The following MACROD2 variants were observed in gnomAD, a reference collection of about 807,000 sequenced individuals.
The protein encoded by MACROD2 is ADP-ribose glycohydrolase MACROD2.
A neutral mutation model predicts 70.4 loss-of-function variants in MACROD2; 36 were observed. The ratio of observed to expected loss-of-function variants is 0.51; its 90% CI spans 0.39 to 0.68. MACROD2 has a LOEUF of 0.68. Among genes scored for constraint, MACROD2 ranks in the 30% least tolerant of loss-of-function variants. The pLI is 0.00. For synonymous variants in MACROD2, 172 were observed against 178.8 expected (o/e 0.96, Z 0.30); for missense variants, 496 against 538.4 (o/e 0.92, Z 0.78).
At chr20:15,508,074 G>C (rs1207700497) in intron 8 of MACROD2, among the ~76,000 whole-genome samples, 1 of 152,162 alleles carries the variant, frequency 6.6e-6, no homozygotes, top group Non-Finnish European at 1.5e-5. Context: ...CCCAGTAGGG[G>C]ATATCAGGCA....
intron 5 of MACROD2, among the ~76,000 whole-genome samples, chr20:14,776,321 G>A (rs2072234102): frequency 6.6e-6 from 1 of 151,992 alleles, no homozygotes; most frequent in Non-Finnish European, 1.5e-5. Context: ...CTTGACATGA[G>A]TAGTTTAATA....
chr20:14,461,599 G>T (rs55664409), intron 3 of MACROD2, among the ~76,000 whole-genome samples: 3,071 of 151,842 alleles, frequency 0.02, 120 homozygotes, highest in African/African-American at 0.07. Context: ...TTGTTGTGCT[G>T]CACCCATTAA....
intron 4 of MACROD2, among the ~76,000 whole-genome samples, chr20:14,553,171 A>C (rs73098650): frequency 0.1 from 15,209 of 151,202 alleles, 1,138 homozygotes; most frequent in Non-Finnish European, 0.15. Flanking sequence ...TTCTATATTA[A>C]AATTTCTTTT....
chr20:14,224,364 G>T (rs936937968), intron 3 of MACROD2, among the ~76,000 whole-genome samples: 3 of 152,162 alleles, frequency 2.0e-5, no homozygotes, highest in African/African-American at 4.8e-5. Context: ...TGCTAAGACC[G>T]TGTGCCTTTC....
At chr20:16,012,922 C>A (rs1205469904) in intron 15 of MACROD2, among the ~76,000 whole-genome samples, 1 of 152,218 alleles carries the variant, frequency 6.6e-6, no homozygotes, top group Non-Finnish European at 1.5e-5. Flanking sequence ...TGACTCACGC[C>A]TGTAATCCCA....
chr20:16,014,385 A>G (rs2066902835), intron 15 of MACROD2, among the ~76,000 whole-genome samples: 1 of 152,230 alleles, frequency 6.6e-6, no homozygotes, highest in Non-Finnish European at 1.5e-5. Flanking sequence ...TTCTCGATAA[A>G]TAGCAACTTT....
chr20:15,224,376 G>T (rs2076887235), intron 5 of MACROD2, among the ~76,000 whole-genome samples: 1 of 152,116 alleles, frequency 6.6e-6, no homozygotes, highest in Admixed American at 6.5e-5. Context: ...ACAAATGTAT[G>T]CCATTCATTT....
chr20:15,210,187 T>A (rs1450675221), intron 5 of MACROD2, among the ~76,000 whole-genome samples: 1 of 152,228 alleles, frequency 6.6e-6, no homozygotes, highest in Admixed American at 6.5e-5. Flanking sequence ...GAAGTGGCTC[T>A]CAGTCCTTAG....
At chr20:14,928,732 C>T (rs533507911) in intron 5 of MACROD2, among the ~76,000 whole-genome samples, 35 of 152,130 alleles carry the variant, frequency 2.3e-4, no homozygotes, top group Admixed American at 3.3e-4. Context: ...ATGAAACAAC[C>T]ATGAAAAATC....
At chr20:14,152,283 A>G (rs2040586937) in intron 3 of MACROD2, among the ~76,000 whole-genome samples, 1 of 152,210 alleles carries the variant, frequency 6.6e-6, no homozygotes, top group South Asian at 2.1e-4. Context: ...TATCTGATCT[A>G]TTAAGCAGAA....
In MACROD2 at chr20:14,305,765, A is replaced by G. The variant is rs534131133; in HGVS notation, c.272-187714A>G. Among the ~76,000 whole-genome samples, 4 of 152,284 alleles carry G rather than the reference A, an allele frequency of 2.6e-5. No individual in the cohort carries two copies. In the South Asian group the frequency reaches 8.3e-4, roughly 32 times the overall value. ...CATTCTAGTCCCTTTGACCAAGCTT[A>G]TAAAGTGCCCATGTATCTTTTTTCG... On this transcript the variant is annotated intron_variant, in intron 3 of 17. Coordinates refer to ENST00000684519, the MANE Select transcript of MACROD2 (RefSeq NM_001351661.2).
At chr20:15,209,881 T>A (rs1049720660) in intron 5 of MACROD2, among the ~76,000 whole-genome samples, 1 of 152,244 alleles carries the variant, frequency 6.6e-6, no homozygotes, top group African/African-American at 2.4e-5. Flanking sequence ...CTTTTGCCTA[T>A]GAATGTTTGA....
intron 4 of MACROD2, among the ~76,000 whole-genome samples, chr20:14,494,692 T>G (rs2084834276): frequency 6.6e-6 from 1 of 152,190 alleles, no homozygotes; most frequent in Non-Finnish European, 1.5e-5. Flanking sequence ...GCCAAGTAAC[T>G]AAGTAATAGA....
chr20:14,264,419 A>T (rs1427419190), intron 3 of MACROD2, among the ~76,000 whole-genome samples: 12 of 152,180 alleles, frequency 7.9e-5, no homozygotes, highest in Admixed American at 7.9e-4. Context: ...AGGGTAAAAT[A>T]ACTTGCATAC....
At chr20:14,691,595 A>G (rs1022239928) in intron 5 of MACROD2, among the ~76,000 whole-genome samples, 2 of 152,178 alleles carry the variant, frequency 1.3e-5, no homozygotes, top group African/African-American at 4.8e-5. Context: ...GTTAGCTGCA[A>G]AGGAGCCTGC....
At position 14,442,502 on chromosome 20, in the gene MACROD2, A is replaced by G. The variant is rs966518492; in HGVS notation, c.272-50977A>G. Among the ~76,000 whole-genome samples, 2 of 152,120 alleles carry G rather than the reference A, an allele frequency of 1.3e-5. 1 individual carries two copies. Among genetic ancestry groups the G allele is most frequent in the Admixed American group, 1.3e-4 (2 of 15,270 alleles). On this transcript the variant is annotated intron_variant, in intron 3 of 17. Coordinates refer to ENST00000684519, the MANE Select transcript of MACROD2 (RefSeq NM_001351661.2). ...AATTATTTTGATGCCAAAGTGAAAA[A>G]TATGGAGATATTTATTGGAATAATA...
At chr20:15,655,129 G>A (rs1049252626) in intron 8 of MACROD2, among the ~76,000 whole-genome samples, 54 of 151,748 alleles carry the variant, frequency 3.6e-4, no homozygotes, top group Admixed American at 3.0e-3. Context: ...ATGTGTGTGC[G>A]TGTGTGTGTT....
chr20:14,695,338 AC>A (rs1298096090), intron 5 of MACROD2, among the ~76,000 whole-genome samples: 1 of 151,982 alleles, frequency 6.6e-6, no homozygotes, highest in Admixed American at 6.5e-5. Flanking sequence ...CTCTGTCTTT[AC>A]CCCTTCTCTT....
intron 6 of MACROD2, among the ~76,000 whole-genome samples, chr20:15,341,751 T>A (rs2078112107): frequency 6.6e-6 from 1 of 152,168 alleles, no homozygotes; most frequent in Non-Finnish European, 1.5e-5. Flanking sequence ...GTAGATACAT[T>A]TAAAATTAAG....
Sources: allele counts gnomAD v4.1 joint callset (sites outside exome capture counted in the v4.1 genomes callset), GRCh38; gene constraint gnomAD v4.1.1; transcripts MANE v1.5; gene names NCBI Gene and HGNC (gene_info 2026-07-23, HGNC 2026-07-21).